Variants in DNA2 observed in about 807,000 individuals in gnomAD.
The protein encoded by DNA2 is DNA replication ATP-dependent helicase/nuclease DNA2.
DNA2 carries 101 observed loss-of-function variants against 119.1 expected under a neutral mutation model. That is an observed-to-expected ratio of 0.85 (90% CI 0.72 to 1.00). DNA2 has a LOEUF of 1.00. Among genes scored for constraint, DNA2 ranks in the 50% least tolerant of loss-of-function variants. The pLI is 0.00. For missense variants in DNA2, 1,121 were observed against 1,255.5 expected (o/e 0.89, Z 1.62); for synonymous variants, 366 against 424.4 (o/e 0.86, Z 1.69).
chr10:68,439,167 G>T (rs2133390475), intron 9 of DNA2, among the ~76,000 whole-genome samples: 1 of 150,992 alleles, frequency 6.6e-6, no homozygotes. Flanking sequence ...GGCTGAGGTG[G>T]GCGGATCACG....
At chr10:68,456,450 T>G (rs754912423) in intron 5 of DNA2, among the ~76,000 whole-genome samples, 2 of 152,192 alleles carry the variant, frequency 1.3e-5, no homozygotes, top group Non-Finnish European at 2.9e-5. Context: ...AGTCTCGTTT[T>G]GTTGCCCAGG....
At chr10:68,450,562 G>A (rs1358371617) in intron 5 of DNA2, among the ~76,000 whole-genome samples, 3 of 152,052 alleles carry the variant, frequency 2.0e-5, no homozygotes, top group Admixed American at 6.6e-5. Flanking sequence ...ACTGTTCTAC[G>A]GGCTCTGCTC....
Position 68,422,255 on chromosome 10 carries a change from G to T in DNA2, c.2667C>A (p.Asn889Lys). The change falls in exon 17 of 21, where the codon AAC becomes AAA. Residue 889 changes from asparagine (N) to lysine (K), a missense_variant. Asn to Lys is a moderately conservative substitution (Grantham distance 94). Coordinates refer to ENST00000358410, the MANE Select transcript of DNA2 (RefSeq NM_001080449.3). ...NPWLMGVFEP[N>K]NPVCFLNTDK... ...CTGTATTAAGGAAACAAACAGGATT[G>T]TTGGGTTCAAATACTCCCATCAACC... 1.2e-6 allele frequency: 2 copies of T among 1,610,940 alleles called. No individual in the cohort carries two copies. The highest frequency in any genetic ancestry group is 1.3e-5 in the African/African-American group (1 of 74,940).
At chr10:68,466,814 C>T (rs1177873606) in intron 3 of DNA2, among the ~76,000 whole-genome samples, 2 of 152,090 alleles carry the variant, frequency 1.3e-5, no homozygotes, top group Admixed American at 6.6e-5. Flanking sequence ...CTCCTGACCT[C>T]GTGATCCGCC....
chr10:68,446,288 G>C lies in DNA2; in HGVS notation c.1057+8C>G. The stretch of plus-strand genomic sequence containing the variant: ...AAAGAAGTAAAACTAAAAAAAAAAC[G>C]GCTCAACCTCTTTTATCTAGATGGT... On this transcript the variant is annotated splice_region_variant and intron_variant, in intron 7 of 20. Transcript: ENST00000358410. 1 of 1,500,328 alleles carries C rather than the reference G, an allele frequency of 6.7e-7. No individual in the cohort carries two copies. The highest frequency in any genetic ancestry group is 9.0e-7 in the Non-Finnish European group (1 of 1,105,310). 92.9% of individuals were successfully genotyped at this position (1,500,328 alleles called of 1,614,324 possible).
chr10:68,470,180 C>A lies in DNA2; in HGVS notation c.75-17G>T. 1 of 1,570,948 alleles carries A rather than the reference C, an allele frequency of 6.4e-7. No homozygotes were observed. The highest frequency in any genetic ancestry group is 8.6e-7 in the Non-Finnish European group (1 of 1,165,458). Reference sequence around the variant, plus strand: ...TTCTGAAATCTAAAGCACACACATACAAAACTATTTTAGCACAACCATGAA... The same window carrying A: ...TTCTGAAATCTAAAGCACACACATAAAAAACTATTTTAGCACAACCATGAA... On this transcript the variant is annotated splice_polypyrimidine_tract_variant and intron_variant, in intron 1 of 20. Transcript: ENST00000358410.
chr10:68,425,917 T>A (rs1664853648), intron 14 of DNA2, among the ~76,000 whole-genome samples: 1 of 149,678 alleles, frequency 6.7e-6, no homozygotes, highest in African/African-American at 2.5e-5. Flanking sequence ...GGTGAATCAC[T>A]TGAGGCCAGG....
In DNA2 at chr10:68,436,849, T is replaced by C. The variant is rs577090403; in HGVS notation, c.1646+162A>G. 8.8e-5 allele frequency: 52 copies of C among 593,418 alleles called. 1 individual carries two copies. In the East Asian group the frequency reaches 1.4e-3, roughly 15 times the overall value. 36.8% of individuals were successfully genotyped at this position (593,418 alleles called of 1,614,324 possible). On this transcript the variant is annotated intron_variant, in intron 10 of 20. Coordinates refer to ENST00000358410, the MANE Select transcript of DNA2 (RefSeq NM_001080449.3). ...ATAGGGCTTCTTCCTTGGGAGTTTC[T>C]TTTTGGGGTGATGAAAATACTCAAA...
intron 17 of DNA2, among the ~76,000 whole-genome samples, chr10:68,421,825 T>TCCC (rs111771469): frequency 2.6e-5 from 4 of 151,518 alleles, no homozygotes; most frequent in African/African-American, 9.7e-5. Context: ...CCTTTTTTTT[T>TCCC]CCCCCCAAGA....
intron 19 of DNA2, among the ~76,000 whole-genome samples, chr10:68,418,669 A>ATTTTTTTTTTTTTTTTTTTTTTTTTTTTT: frequency 8.8e-6 from 1 of 113,846 alleles, no homozygotes; most frequent in Non-Finnish European, 1.8e-5. Flanking sequence ...TTAAACCGCA[A>ATTTTTTTTTTTTTTTTTTTTTTTTTTTTT]TTTTTTTTTT....
intron 5 of DNA2, 29 bp from the exon 6 acceptor site, chr10:68,450,276 T>G: frequency 6.8e-7 from 1 of 1,462,402 alleles, no homozygotes; most frequent in Non-Finnish European, 9.3e-7. Flanking sequence ...CAAAAACACT[T>G]AATTAGAACT....
At chr10:68,434,686 A>G (rs573716659) in intron 10 of DNA2, among the ~76,000 whole-genome samples, 11 of 152,290 alleles carry the variant, frequency 7.2e-5, no homozygotes, top group African/African-American at 2.6e-4. Context: ...TACACGCAAG[A>G]CCATAAATTC....
rs564626463 is a variant in DNA2, at chr10:68,445,056, G to A, written c.1085C>T (p.Ala362Val). The change falls in exon 8 of 21, where the codon GCA (alanine) becomes GTA (valine). Residue 362 changes from alanine to valine, a missense_variant. By Grantham distance (64) the Ala-to-Val change is moderately conservative (BLOSUM62 0). Transcript: ENST00000358410. Reference sequence around the variant, plus strand: ...GCTAATACGGTGAAACAATGAGAATGCCATCTGGTTTCTTAGCTTTAATAA... The same window carrying A: ...GCTAATACGGTGAAACAATGAGAATACCATCTGGTTTCTTAGCTTTAATAA... ...RELLKLRNQM[A>V]FSLFHRISKS... is the part of the protein sequence containing the mutation. The A allele has an allele frequency of 6.2e-7, 1 of 1,606,742 alleles. No individual in the cohort carries two copies. The highest frequency in any genetic ancestry group is 1.1e-5 in the South Asian group (1 of 89,294).
In DNA2 at chr10:68,470,054, A is replaced by C; in HGVS notation, c.184T>G (p.Cys62Gly). Residue 62 changes from cysteine (C) to glycine (G), a missense_variant, in exon 2 of 21, where the codon TGT becomes GGT. Cys to Gly is a radical substitution (Grantham distance 159). Transcript: ENST00000358410. Reference sequence around the variant, plus strand: ...GCAGTGATGACCAGGCGCTTTTCACAGTTTCCCTCTTTGTTCTGTACAGTA... The same window carrying C: ...GCAGTGATGACCAGGCGCTTTTCACCGTTTCCCTCTTTGTTCTGTACAGTA... ...VNTVQNKEGN[C>G]EKRLVITASQ... 1 of 1,613,824 alleles carries C rather than the reference A, an allele frequency of 6.2e-7. No individual in the cohort carries two copies. Among genetic ancestry groups the C allele is most frequent in the Non-Finnish European group, 8.5e-7 (1 of 1,179,816 alleles).
intron 10 of DNA2, among the ~76,000 whole-genome samples, chr10:68,435,168 C>A (rs1173211382): frequency 6.6e-6 from 1 of 152,084 alleles, no homozygotes; most frequent in Non-Finnish European, 1.5e-5. Context: ...ATCGTCCCAC[C>A]TCGGCCTCCA....
chr10:68,465,662 C>T lies in DNA2; in HGVS notation c.587+5G>A. 1 of 1,581,316 alleles carries T rather than the reference C, an allele frequency of 6.3e-7. No individual in the cohort carries two copies. The highest frequency in any genetic ancestry group is 8.6e-7 in the Non-Finnish European group (1 of 1,164,588). On this transcript the variant is annotated splice_donor_5th_base_variant and intron_variant, in intron 4 of 20. Coordinates refer to ENST00000358410, the MANE Select transcript of DNA2 (RefSeq NM_001080449.3). ...ATACCTGCAGTTCTTCTTATAACTA[C>T]TTACATTTCCTTCAAATGTCTTATT...
intron 14 of DNA2, among the ~76,000 whole-genome samples, chr10:68,426,300 G>GGCC: frequency 6.6e-6 from 1 of 151,730 alleles, no homozygotes; most frequent in Non-Finnish European, 1.5e-5. Context: ...CACTTTGGGA[G>GGCC]ACTGAGGTGG....
chr10:68,441,842 T>C, intron 9 of DNA2, among the ~76,000 whole-genome samples: 1 of 135,428 alleles, frequency 7.4e-6, no homozygotes, highest in Middle Eastern at 3.6e-3. Flanking sequence ...TACCAATATA[T>C]ACAACAATTT....
Position 68,432,224 on chromosome 10 carries a change from CTG to C in DNA2, c.1853_1854del (p.Thr618SerfsTer10). On this transcript the variant is annotated frameshift_variant, in exon 12 of 21. Transcript: ENST00000358410. LOFTEE classifies it high-confidence loss of function. ...AGCATACCCTTTAGAATGCAGGCAA[CTG>C]TATCCTTTGCATCATGTGGAAGAAC... ...SSVLPHDAKD[T>X]VACILKGLNK... 1.3e-6 allele frequency: 2 copies of C among 1,593,232 alleles called. No homozygotes were observed. Among genetic ancestry groups the C allele is most frequent in the Non-Finnish European group, 1.7e-6 (2 of 1,169,050 alleles).
Sources: gnomAD v4.1 joint callset for allele counts (sites outside exome capture counted in the v4.1 genomes callset) on GRCh38, gnomAD v4.1.1 for gene constraint, MANE v1.5 for transcripts, NCBI Gene and HGNC (gene_info 2026-07-23, HGNC 2026-07-21) for gene names.